The following ADGRL3 variants were observed in gnomAD, a reference collection of about 807,000 sequenced individuals.
ADGRL3 encodes the protein calcium-independent alpha-latrotoxin receptor 3.
A neutral mutation model predicts 153.5 loss-of-function variants in ADGRL3; 62 were observed. The observed-to-expected ratio is 0.40, with a 90% CI of 0.33 to 0.50. The LOEUF is 0.50. Ranked by LOEUF, ADGRL3 falls within the 20% of genes least tolerant of loss-of-function variation. The pLI, the probability that ADGRL3 is intolerant of heterozygous loss-of-function variation, is 0.47. For missense variants in ADGRL3, 1,641 were observed against 1,859.4 expected (o/e 0.88, Z 2.16); for synonymous variants, 710 against 672.5 (o/e 1.06, Z -0.86).
At chr4:61,818,492 T>G (rs2097713538) in intron 9 of ADGRL3, among the ~76,000 whole-genome samples, 1 of 152,180 alleles carries the variant, frequency 6.6e-6, no homozygotes, top group Non-Finnish European at 1.5e-5. Flanking sequence ...AGGACAACAC[T>G]GTGGAGCTGT....
At chr4:61,563,819 C>T (rs1277302441) in intron 4 of ADGRL3, among the ~76,000 whole-genome samples, 1 of 151,972 alleles carries the variant, frequency 6.6e-6, no homozygotes, top group Non-Finnish European at 1.5e-5. Flanking sequence ...ACCACCCTGG[C>T]CAACATGGTG....
intron 13 of ADGRL3, among the ~76,000 whole-genome samples, chr4:61,929,890 C>T (rs1282133708): frequency 6.6e-6 from 1 of 152,044 alleles, no homozygotes; most frequent in African/African-American, 2.4e-5. Context: ...AACTTGTCTG[C>T]AAGGTCAGAC....
chr4:61,645,868 T>C (rs2093953578), intron 5 of ADGRL3, among the ~76,000 whole-genome samples: 1 of 152,196 alleles, frequency 6.6e-6, no homozygotes, highest in African/African-American at 2.4e-5. Flanking sequence ...CTGGATAATA[T>C]CCTGCAGAGT....
chr4:61,644,919 T>C (rs2093892135), intron 5 of ADGRL3, among the ~76,000 whole-genome samples: 1 of 151,916 alleles, frequency 6.6e-6, no homozygotes, highest in African/African-American at 2.4e-5. Context: ...TGTGGGAGTC[T>C]AAGTCTCTTT....
Position 61,998,204 on chromosome 4 carries a change from T to G in ADGRL3, c.3334T>G (p.Tyr1112Asp). Residue 1112 changes from tyrosine to aspartate, a missense_variant, in exon 21 of 27, where the codon TAT (tyrosine) becomes GAT (aspartate). Around this residue, in one of 5 missense-constraint regions of ADGRL3, gnomAD observed 517 missense variants for 555.0 expected, o/e 0.93. Transcript: ENST00000683033. ...LNVIFLGIAL[Y>D]KMFHHTAILK... Reference sequence around the variant, plus strand: ...TGTAATCTTCCTTGGGATTGCTTTATATAAAATGTTTCATCATACTGCTAT... The same window carrying G: ...TGTAATCTTCCTTGGGATTGCTTTAGATAAAATGTTTCATCATACTGCTAT... 6.3e-7 allele frequency: 1 copy of G among 1,585,308 alleles called. No individual in the cohort carries two copies. The highest frequency in any genetic ancestry group is 1.1e-5 in the South Asian group (1 of 87,176).
At chr4:61,476,097 G>A (rs982604817) in intron 2 of ADGRL3, among the ~76,000 whole-genome samples, 1 of 152,242 alleles carries the variant, frequency 6.6e-6, no homozygotes, top group Middle Eastern at 3.4e-3. Flanking sequence ...TTGCACAACA[G>A]CCATAGTACT....
At chr4:61,888,512 G>A (rs994153046) in intron 9 of ADGRL3, among the ~76,000 whole-genome samples, 16 of 152,170 alleles carry the variant, frequency 1.1e-4, no homozygotes, top group African/African-American at 3.9e-4. Flanking sequence ...TTGGGCGCTG[G>A]TGACAGCATG....
chr4:61,996,008 CT>C (rs1196075859), intron 19 of ADGRL3, among the ~76,000 whole-genome samples: 26 of 147,334 alleles, frequency 1.8e-4, no homozygotes, highest in East Asian at 6.0e-4. Context: ...CTTTCTTTAT[CT>C]TTTTTTTTTT....
chr4:61,862,883 T>C (rs929978084), intron 9 of ADGRL3, among the ~76,000 whole-genome samples: 6 of 152,060 alleles, frequency 3.9e-5, no homozygotes, highest in African/African-American at 1.4e-4. Context: ...CCAAACTAAA[T>C]GTTTGGGATT....
At position 61,477,435 on chromosome 4, in the gene ADGRL3, C is replaced by T. The variant is rs200633688; in HGVS notation, c.-173-19686C>T. On this transcript the variant is annotated intron_variant, in intron 2 of 26. Coordinates refer to ENST00000683033, the MANE Select transcript of ADGRL3 (RefSeq NM_001387552.1). Reference sequence around the variant, plus strand: ...TGCAAAAGAAAGCTGACTATTTGATCGGTAAAGACATTAACATACCATGAA... The same window carrying T: ...TGCAAAAGAAAGCTGACTATTTGATTGGTAAAGACATTAACATACCATGAA... Among the ~76,000 whole-genome samples, 34 of 152,138 alleles carry T rather than the reference C, an allele frequency of 2.2e-4. No individual in the cohort carries two copies. In the East Asian group the frequency reaches 5.0e-3, roughly 22 times the overall value.
At chr4:61,280,170 C>T (rs1261651073) in intron 1 of ADGRL3, among the ~76,000 whole-genome samples, 2 of 136,218 alleles carry the variant, frequency 1.5e-5, no homozygotes, top group East Asian at 2.2e-4. Context: ...AATGCAGTGG[C>T]GTGATCTCAG....
At chr4:61,338,365 G>A (rs1356126883) in intron 1 of ADGRL3, among the ~76,000 whole-genome samples, 3 of 150,584 alleles carry the variant, frequency 2.0e-5, no homozygotes, top group South Asian at 2.1e-4. Flanking sequence ...GTTCTCAAAA[G>A]TTAGTATGAT....
At chr4:62,067,666 G>C (rs999232412) in intron 25 of ADGRL3, among the ~76,000 whole-genome samples, 4 of 151,980 alleles carry the variant, frequency 2.6e-5, no homozygotes, top group African/African-American at 9.7e-5. Flanking sequence ...GGGAAAAAAT[G>C]AACACAATTA....
At chr4:61,863,390 A>G (rs1001892070) in intron 9 of ADGRL3, among the ~76,000 whole-genome samples, 3 of 151,088 alleles carry the variant, frequency 2.0e-5, no homozygotes, top group African/African-American at 4.9e-5. Flanking sequence ...GGCGCCCGCC[A>G]CTACGCCCGG....
chr4:61,975,603 A>C (rs1206253902), intron 17 of ADGRL3, among the ~76,000 whole-genome samples: 1 of 152,166 alleles, frequency 6.6e-6, no homozygotes, highest in East Asian at 1.9e-4. Flanking sequence ...ATATAAAAAG[A>C]ATCTCTCTGC....
intron 1 of ADGRL3, among the ~76,000 whole-genome samples, chr4:61,338,998 TA>T (rs2095746756): frequency 6.6e-6 from 1 of 152,174 alleles, no homozygotes; most frequent in African/African-American, 2.4e-5. Flanking sequence ...CCACAGCCCT[TA>T]TTAATGAGTA....
intron 9 of ADGRL3, among the ~76,000 whole-genome samples, chr4:61,879,991 C>T (rs537413958): frequency 1.3e-5 from 2 of 152,192 alleles, no homozygotes; most frequent in Non-Finnish European, 1.5e-5. Context: ...ATCCCAAATT[C>T]TTGAGATTAT....
rs149764338 is a variant in ADGRL3, at chr4:61,843,747, C to T, written c.1480+29858C>T. 1.5e-3 allele frequency among the ~76,000 whole-genome samples: 226 copies of T among 152,246 alleles called. 1 individual carries two copies. Among genetic ancestry groups the T allele is most frequent in the African/African-American group, 1.9e-3 (80 of 41,538 alleles). ...CACTAGTATGTCAGGTGTGGTGCTT[C>T]GTGCCTGCAATTCCAGCATGCTGGG... On this transcript the variant is annotated intron_variant, in intron 9 of 26. Transcript: ENST00000683033.
At chr4:61,394,634 T>G (rs913841491) in intron 2 of ADGRL3, among the ~76,000 whole-genome samples, 1 of 152,080 alleles carries the variant, frequency 6.6e-6, no homozygotes, top group Non-Finnish European at 1.5e-5. Context: ...GTAGTTGTTT[T>G]CCCTTGATTT....
Sources: gnomAD v4.1 joint callset for allele counts (sites outside exome capture counted in the v4.1 genomes callset) on GRCh38, gnomAD v4.1.1 for gene constraint, gnomAD v4.1.1 regional missense constraint, MANE v1.5 for transcripts, NCBI Gene and HGNC (gene_info 2026-07-23, HGNC 2026-07-21) for gene names.